The following DOCK4 variants were observed in gnomAD, a reference collection of about 807,000 sequenced individuals.
DOCK4 encodes dedicator of cytokinesis protein 4.
In DOCK4, 97 loss-of-function variants were observed where a neutral mutation model predicts 268.1. The observed-to-expected ratio is 0.36, with a 90% CI of 0.31 to 0.43. DOCK4 has a LOEUF of 0.43. Among genes scored for constraint, DOCK4 ranks in the 20% least tolerant of loss-of-function variants. The pLI is 1.00. For missense variants in DOCK4, 2,145 were observed against 2,455.7 expected (o/e 0.87, Z 2.67); for synonymous variants, 954 against 887.2 (o/e 1.08, Z -1.34).
At chr7:111,812,183 T>C (rs985595694) in intron 27 of DOCK4, among the ~76,000 whole-genome samples, 2 of 152,258 alleles carry the variant, frequency 1.3e-5, no homozygotes, top group African/African-American at 4.8e-5. Context: ...TATGAATTCA[T>C]ATGGCTCAGA....
At chr7:111,986,776 G>T (rs1251520504) in intron 6 of DOCK4, among the ~76,000 whole-genome samples, 2 of 152,130 alleles carry the variant, frequency 1.3e-5, no homozygotes, top group Non-Finnish European at 1.5e-5. Flanking sequence ...TCTTTTGCTG[G>T]CCCTGTTAGG....
At chr7:111,763,321 T>TA (rs1468368657) in intron 39 of DOCK4, among the ~76,000 whole-genome samples, 6 of 151,804 alleles carry the variant, frequency 4.0e-5, no homozygotes, top group Admixed American at 2.0e-4. Flanking sequence ...TCTGATTCCT[T>TA]AAAAAAAAGG....
intron 7 of DOCK4, among the ~76,000 whole-genome samples, chr7:111,983,847 C>CGT (rs1461487670): frequency 7.7e-5 from 6 of 77,962 alleles, no homozygotes; most frequent in East Asian, 1.8e-3. Flanking sequence ...CACACACACG[C>CGT]GCGCGCGCGC....
At chr7:111,975,004 G>A (rs983164265) in intron 8 of DOCK4, among the ~76,000 whole-genome samples, 1 of 152,200 alleles carries the variant, frequency 6.6e-6, no homozygotes, top group Non-Finnish European at 1.5e-5. Flanking sequence ...AGTGGCTCAT[G>A]CCTATAATCC....
At chr7:111,825,307 C>T (rs2100120571) in intron 26 of DOCK4, among the ~76,000 whole-genome samples, 1 of 152,200 alleles carries the variant, frequency 6.6e-6, no homozygotes, top group Non-Finnish European at 1.5e-5. Flanking sequence ...TACTGCCATG[C>T]AACAGGGTTT....
rs1586004681 is a variant in DOCK4, at chr7:111,793,729, A to C, written c.3167-3124T>G. On this transcript the variant is annotated intron_variant, in intron 30 of 52. Transcript: ENST00000428084. ...TATAAATCTAGTATCAAGAAAAAAC[A>C]AAGGGCCTGGTGCAGTGGTTCAACG... Among the ~76,000 whole-genome samples, 3 of 152,318 alleles carry C rather than the reference A, an allele frequency of 2.0e-5. 1 individual carries two copies. In the Middle Eastern group the frequency reaches 0.01, roughly 518 times the overall value.
chr7:112,168,134 T>TA, intron 1 of DOCK4, among the ~76,000 whole-genome samples: 1 of 152,272 alleles, frequency 6.6e-6, no homozygotes, highest in East Asian at 1.9e-4. Context: ...ACTTAACTAG[T>TA]AAAAATCAGG....
At chr7:111,879,040 G>A (rs567871753) in intron 16 of DOCK4, among the ~76,000 whole-genome samples, 1 of 152,058 alleles carries the variant, frequency 6.6e-6, no homozygotes, top group East Asian at 1.9e-4. Flanking sequence ...CCAACCCCAG[G>A]CAGTGCAGCT....
chr7:111,910,045 A>G (rs571161736), intron 13 of DOCK4, among the ~76,000 whole-genome samples: 3 of 152,296 alleles, frequency 2.0e-5, no homozygotes, highest in African/African-American at 7.2e-5. Flanking sequence ...ACTGAAATGT[A>G]TAAATGATGG....
At chr7:111,942,994 GAAAGACAATGATCTGCCACC>G (rs928741007) in intron 10 of DOCK4, among the ~76,000 whole-genome samples, 1 of 152,160 alleles carries the variant, frequency 6.6e-6, no homozygotes, top group African/African-American at 2.4e-5. Flanking sequence ...CTAACACCCT[GAAAGACAATGATCTGCCACC>G]AATTTCACTC....
intron 47 of DOCK4, chr7:111,740,243 GC>G (rs1795812982): frequency 3.5e-6 from 1 of 289,662 alleles, no homozygotes; most frequent in South Asian, 2.6e-5. Flanking sequence ...GGGATTACAG[GC>G]ATGCGCCACC....
chr7:111,962,638 T>A (rs1382932259), intron 8 of DOCK4, among the ~76,000 whole-genome samples: 1 of 147,230 alleles, frequency 6.8e-6, no homozygotes, highest in Non-Finnish European at 1.5e-5. Flanking sequence ...CATATTTCCA[T>A]ATTTAAAAAA....
intron 30 of DOCK4, among the ~76,000 whole-genome samples, chr7:111,798,544 T>C (rs1370104151): frequency 6.6e-6 from 1 of 152,186 alleles, no homozygotes; most frequent in Non-Finnish European, 1.5e-5. Context: ...TCCAAGCCAC[T>C]GTCATAATAG....
chr7:111,891,026 A>C (rs1808246983), intron 16 of DOCK4, among the ~76,000 whole-genome samples: 1 of 152,198 alleles, frequency 6.6e-6, no homozygotes, highest in Non-Finnish European at 1.5e-5. Flanking sequence ...GTTTATAAAA[A>C]TCCAAGACAA....
intron 27 of DOCK4, among the ~76,000 whole-genome samples, chr7:111,818,193 A>G (rs1801700814): frequency 6.6e-6 from 1 of 152,100 alleles, no homozygotes. Flanking sequence ...TTCAGTCTGC[A>G]CTTTCTTCCT....
Position 111,741,200 on chromosome 7 carries a change from G to C in DOCK4, c.4934C>G (p.Pro1645Arg). 6.2e-7 allele frequency: 1 copy of C among 1,613,818 alleles called. No individual in the cohort carries two copies. Among genetic ancestry groups the C allele is most frequent in the Middle Eastern group, 1.6e-4 (1 of 6,062 alleles). ...VIPRRSPLSY[P>R]AVNRYSSSSL... Reference sequence around the variant, plus strand: ...GGAGGAAGAATATCGGTTGACAGCTGGGTAACTTAACGGGCTGTTTCAGGG... The same window carrying C: ...GGAGGAAGAATATCGGTTGACAGCTCGGTAACTTAACGGGCTGTTTCAGGG... The change falls in exon 47 of 53, where the codon CCA becomes CGA. Residue 1645 changes from proline to arginine, a missense_variant. Physicochemically the swap from Pro to Arg is moderately radical, Grantham distance 103. Around this residue, in one of 2 missense-constraint regions of DOCK4, gnomAD observed 547 missense variants for 469.0 expected, o/e 1.17. Transcript: ENST00000428084.
intron 1 of DOCK4, among the ~76,000 whole-genome samples, chr7:112,035,544 T>A (rs112911283): frequency 6.6e-6 from 1 of 152,220 alleles, no homozygotes; most frequent in South Asian, 2.1e-4. Context: ...AATAGTATTA[T>A]GCAGTTAATA....
chr7:111,797,814 C>T (rs79245569), intron 30 of DOCK4, among the ~76,000 whole-genome samples: 120 of 152,160 alleles, frequency 7.9e-4, no homozygotes, highest in East Asian at 1.7e-3. Context: ...CTGAGAAAGA[C>T]GCTAATAGAA....
At position 111,769,546 on chromosome 7, in the gene DOCK4, T is replaced by C. The variant is rs1217174537; in HGVS notation, c.3811A>G (p.Asn1271Asp). The change falls in exon 37 of 53, where the codon AAC becomes GAC. Residue 1271 changes from asparagine (N) to aspartate (D), a missense_variant. This residue lies in a region of DOCK4 where 1,598 missense variants were observed against 1,986.7 expected (regional missense o/e 0.80). Coordinates refer to ENST00000428084, the MANE Select transcript of DOCK4 (RefSeq NM_001363540.2). ...KEHLHLTIIQ[N>D]FDRGKCWENG... ...CCACTTACTTTGCCTCTGTCAAAGT[T>C]CTGGATGATGGTGAGGTGCAGGTGC... is the stretch of plus-strand genomic sequence containing the variant. 5 of 1,613,592 alleles carry C rather than the reference T, an allele frequency of 3.1e-6. No individual in the cohort carries two copies. In the Admixed American group the frequency reaches 8.3e-5, roughly 27 times the overall value.
Sources: gnomAD v4.1 joint callset for allele counts (sites outside exome capture counted in the v4.1 genomes callset) on GRCh38, gnomAD v4.1.1 for gene constraint, gnomAD v4.1.1 regional missense constraint, MANE v1.5 for transcripts, NCBI Gene and HGNC (gene_info 2026-07-23, HGNC 2026-07-21) for gene names.